Variants in CSMD1 observed in about 807,000 individuals in gnomAD.
The protein encoded by CSMD1 is CUB and sushi domain-containing protein 1.
CSMD1 carries 213 observed loss-of-function variants against 417.5 expected under a neutral mutation model. The ratio of observed to expected loss-of-function variants is 0.51; its 90% CI spans 0.46 to 0.57. The LOEUF (loss-of-function observed/expected upper bound fraction) is 0.57, where lower values mean the gene tolerates loss of function less well. Ranked by LOEUF, CSMD1 falls within the 20% of genes least tolerant of loss-of-function variation. The pLI is 0.00. For synonymous variants in CSMD1, 2,862 were observed against 1,736.8 expected, an observed-to-expected ratio of 1.65 and a Z score of -16.11; for missense variants, 6,923 against 4,529.7, an observed-to-expected ratio of 1.53 and a Z score of -15.17.
chr8:3,663,379 C>A (rs886532738), intron 7 of CSMD1, among the ~76,000 whole-genome samples: 1 of 152,084 alleles, frequency 6.6e-6, no homozygotes, highest in Non-Finnish European at 1.5e-5. Context: ...AGGGGCACTT[C>A]TGTAAATTTC....
intron 2 of CSMD1, among the ~76,000 whole-genome samples, chr8:4,480,731 T>A (rs1801054076): frequency 6.6e-6 from 1 of 152,178 alleles, no homozygotes; most frequent in African/African-American, 2.4e-5. Context: ...TAGAATCCAC[T>A]TTTTTGAGGT....
Position 3,507,386 on chromosome 8 carries a change from T to C in CSMD1, c.1345-13660A>G, listed in dbSNP as rs191913371. Reference sequence around the variant, plus strand: ...TACATGATGTATTTGTGCCACATTTTCCTAATCCAGTCTATCATTGTTGGA... The same window carrying C: ...TACATGATGTATTTGTGCCACATTTCCCTAATCCAGTCTATCATTGTTGGA... On this transcript the variant is annotated intron_variant, in intron 10 of 69. Transcript: ENST00000635120. Among the ~76,000 whole-genome samples the C allele has an allele frequency of 1.2e-3, 179 of 152,362 alleles. 1 individual carries two copies. Among genetic ancestry groups the C allele is most frequent in the African/African-American group, 4.2e-3 (175 of 41,592 alleles).
chr8:3,311,155 TACCTTG>T (rs1805313362), intron 23 of CSMD1, among the ~76,000 whole-genome samples: 1 of 152,214 alleles, frequency 6.6e-6, no homozygotes, highest in Non-Finnish European at 1.5e-5. Flanking sequence ...TTAGGACAGT[TACCTTG>T]GCCTATAGTT....
At chr8:4,646,705 T>G (rs1191626610) in intron 1 of CSMD1, among the ~76,000 whole-genome samples, 2 of 152,188 alleles carry the variant, frequency 1.3e-5, no homozygotes, top group East Asian at 3.9e-4. Context: ...TAATGCTTAG[T>G]AGAGTTCACC....
intron 49 of CSMD1, among the ~76,000 whole-genome samples, chr8:3,085,917 A>G (rs191415566): frequency 6.6e-6 from 1 of 152,194 alleles, no homozygotes; most frequent in East Asian, 1.9e-4. Context: ...CACTCTCTTT[A>G]GGCTCTATTT....
intron 2 of CSMD1, among the ~76,000 whole-genome samples, chr8:4,602,871 A>T (rs1800667933): frequency 6.6e-6 from 1 of 151,950 alleles, no homozygotes; most frequent in Non-Finnish European, 1.5e-5. Flanking sequence ...TATTATAATT[A>T]TATAAATAAT....
chr8:4,512,855 C>G (rs1446312165), intron 2 of CSMD1, among the ~76,000 whole-genome samples: 1 of 151,254 alleles, frequency 6.6e-6, no homozygotes, highest in Non-Finnish European at 1.5e-5. Flanking sequence ...AAGTTGTCAG[C>G]TCTTTCGAAC....
At chr8:3,934,552 G>C (rs1261624694) in intron 5 of CSMD1, among the ~76,000 whole-genome samples, 2 of 152,052 alleles carry the variant, frequency 1.3e-5, no homozygotes, top group East Asian at 1.9e-4. Flanking sequence ...ACTAACTAAG[G>C]GTTAAACAAT....
At chr8:4,144,599 G>T (rs756458532) in intron 3 of CSMD1, among the ~76,000 whole-genome samples, 6 of 150,970 alleles carry the variant, frequency 4.0e-5, no homozygotes, top group Non-Finnish European at 8.8e-5. Flanking sequence ...AGTCATAAAA[G>T]AGGTGAAGAC....
At chr8:3,633,424 T>C (rs867811474) in intron 7 of CSMD1, among the ~76,000 whole-genome samples, 3 of 152,222 alleles carry the variant, frequency 2.0e-5, no homozygotes, top group Non-Finnish European at 2.9e-5. Context: ...GAATGGTTGC[T>C]ACTCCCGGCA....
In CSMD1 at chr8:4,286,240, G is replaced by A. The variant is rs540630555; in HGVS notation, c.415+133713C>T. 4.6e-5 allele frequency among the ~76,000 whole-genome samples: 7 copies of A among 152,088 alleles called. No homozygotes were observed. In the South Asian group the frequency reaches 6.2e-4, roughly 14 times the overall value. On this transcript the variant is annotated intron_variant, in intron 3 of 69. Transcript: ENST00000635120. ...ATTCCTTCTTGCCAAGCTCCATTGC[G>A]TCTCTCCGCCATGCTCTCCATGTCT...
At chr8:4,717,606 A>G (rs1372850658) in intron 1 of CSMD1, among the ~76,000 whole-genome samples, 1 of 135,070 alleles carries the variant, frequency 7.4e-6, no homozygotes, top group African/African-American at 3.1e-5. Context: ...ATCCATCCAC[A>G]AGCAGTAGGA....
rs1356393876 is a variant in CSMD1 at position 3,369,348 on chromosome 8, T to C, written c.2805A>G (p.Gln935=). ...GAGAAAGGACTGTTCCACTCTTCCCTTGGATGTAGCCTCCACATAGAGCTT... is the reference window on the plus strand; with the variant it reads ...GAGAAAGGACTGTTCCACTCTTCCCCTGGATGTAGCCTCCACATAGAGCTT... ...SCDALCGGYI[Q]GKSGTVLSPG... Residue 935 remains glutamine (Q), a synonymous_variant, in exon 19 of 70, where the codon CAA becomes CAG. Transcript: ENST00000635120. The C allele has an allele frequency of 2.5e-6, 4 of 1,587,952 alleles. No homozygotes were observed. The South Asian group carries it at 3.3e-5, about 13-fold the overall frequency.
At chr8:3,904,236 G>T (rs542175567) in intron 5 of CSMD1, among the ~76,000 whole-genome samples, 13 of 152,180 alleles carry the variant, frequency 8.5e-5, no homozygotes, top group African/African-American at 3.1e-4. Flanking sequence ...AGCTGAGTTA[G>T]GGTAGAGACG....
At chr8:3,914,066 T>C (rs368340381) in intron 5 of CSMD1, among the ~76,000 whole-genome samples, 26 of 152,278 alleles carry the variant, frequency 1.7e-4, no homozygotes, top group African/African-American at 6.0e-4. Context: ...GTGGAAATGA[T>C]CACAATAAAG....
chr8:4,226,853 C>A (rs553231736), intron 3 of CSMD1, among the ~76,000 whole-genome samples: 1 of 152,136 alleles, frequency 6.6e-6, no homozygotes, highest in Admixed American at 6.5e-5. Flanking sequence ...TGTAGTCTCC[C>A]CCTGTCTTTA....
intron 3 of CSMD1, among the ~76,000 whole-genome samples, chr8:4,321,717 A>C (rs904939042): frequency 7.9e-5 from 12 of 152,204 alleles, no homozygotes; most frequent in Non-Finnish European, 1.6e-4. Context: ...TTGTTGATTA[A>C]AGTTTCCAAA....
intron 1 of CSMD1, among the ~76,000 whole-genome samples, chr8:4,657,326 A>G: frequency 6.6e-6 from 1 of 152,196 alleles, no homozygotes; most frequent in South Asian, 2.1e-4. Flanking sequence ...CAAAGGGTCA[A>G]CTGGCAGACT....
chr8:4,312,426 T>TACGC lies in CSMD1; in HGVS notation c.415+107526_415+107527insGCGT, dbSNP rs1491165948. ...ATATATGCGTGTATATATATGCGCG[T>TACGC]ATATATATATGCGTATATATATACG... On this transcript the variant is annotated intron_variant, in intron 3 of 69. Coordinates refer to ENST00000635120, the MANE Select transcript of CSMD1 (RefSeq NM_033225.6). Among the ~76,000 whole-genome samples the TACGC allele has an allele frequency of 8.3e-5, 11 of 131,758 alleles. 1 individual carries two copies. The highest frequency in any genetic ancestry group is 3.1e-4 in the African/African-American group (8 of 26,160). The allele number at this position is 131,758 out of a possible 152,430, so 86.4% of individuals were successfully genotyped here.
Sources: allele counts gnomAD v4.1 joint callset (sites outside exome capture counted in the v4.1 genomes callset), GRCh38; gene constraint gnomAD v4.1.1; transcripts MANE v1.5; gene names NCBI Gene and HGNC (gene_info 2026-07-23, HGNC 2026-07-21).